Variants in ADAM33 observed in about 807,000 individuals in gnomAD.
ADAM33 encodes ADAM metallopeptidase domain 33.
A neutral mutation model predicts 106.2 loss-of-function variants in ADAM33; 103 were observed. The ratio of observed to expected loss-of-function variants is 0.97; its 90% CI spans 0.83 to 1.14. The LOEUF (loss-of-function observed/expected upper bound fraction) is 1.14. Among genes scored for constraint, ADAM33 ranks in the 50% most tolerant of loss-of-function variants. ADAM33 has a pLI of 0.00. For synonymous variants in ADAM33, 483 were observed against 453.0 expected, an observed-to-expected ratio of 1.07 and a Z score of -0.84; for missense variants, 1,120 against 1,096.6, an observed-to-expected ratio of 1.02 and a Z score of -0.30.
chr20:3,671,439 T>G lies in ADAM33; in HGVS notation c.1963A>C (p.Thr655Pro), dbSNP rs1189657690. 6.2e-7 allele frequency: 1 copy of G among 1,612,394 alleles called. No homozygotes were observed. Residue 655 changes from threonine (T) to proline (P), a missense_variant, in exon 17 of 22, where the codon ACT (threonine) becomes CCT (proline). Physicochemically the swap from Thr to Pro is conservative, Grantham distance 38 (BLOSUM62 -1). Transcript: ENST00000356518. The part of the protein sequence containing the change: ...NAFQELQRCL[T>P]ACHSHGVCNS... ...CTCACCCCGTGGCTGTGGCAGGCAG[T>G]CAGGCAGCGCTGAAGCTCCTGGAAG...
intron 2 of ADAM33, among the ~76,000 whole-genome samples, chr20:3,678,929 C>T (rs760948128): frequency 5.3e-5 from 8 of 152,090 alleles, no homozygotes; most frequent in Non-Finnish European, 8.8e-5. Flanking sequence ...TGGGGCAGAG[C>T]GTCCTGCAGA....
chr20:3,669,241 G>A, intron 21 of ADAM33, 58 bp downstream of exon 21: 1 of 1,366,018 alleles, frequency 7.3e-7, no homozygotes, highest in Non-Finnish European at 9.9e-7. Context: ...TGAGGGGTGG[G>A]AGAGGTGGGA....
chr20:3,669,306 G>C lies in ADAM33; in HGVS notation c.2397C>G (p.Asp799Glu). The change falls in exon 21 of 22, where the codon GAC becomes GAG. Residue 799 changes from aspartate to glutamate, a missense_variant. Transcript: ENST00000356518. ...ATCCAGGTCCCTGCCTACCTTGGGG[G>C]TCAGGCGAGACTGCTGGCAGAGGCT... ...PEKPLPAVSP[D>E]PQADQVQMPR... 6.3e-7 allele frequency: 1 copy of C among 1,591,104 alleles called. No individual in the cohort carries two copies. Among genetic ancestry groups the C allele is most frequent in the Admixed American group, 1.9e-5 (1 of 51,934 alleles).
Position 3,673,893 on chromosome 20 carries a change from T to A in ADAM33, c.757A>T (p.Ile253Phe). ...TCCAGGCCGGTCAGCGCCACCTGAA[T>A]GTCCAGAGTCCTGAGAAGCTGAGGG... is the stretch of plus-strand genomic sequence containing the variant. ...YVDQLLRTLD[I>F]QVALTGLEVW... Residue 253 changes from isoleucine to phenylalanine, a missense_variant, in exon 9 of 22, where the codon ATT (isoleucine) becomes TTT (phenylalanine). Transcript: ENST00000356518. 1 of 1,563,018 alleles carries A rather than the reference T, an allele frequency of 6.4e-7. No individual in the cohort carries two copies. The highest frequency in any genetic ancestry group is 1.9e-5 in the Admixed American group (1 of 53,488).
chr20:3,674,502 A>G lies in ADAM33; in HGVS notation c.600+2T>C, dbSNP rs1004198037. 1.2e-6 allele frequency: 2 copies of G among 1,612,868 alleles called. No homozygotes were observed. Among genetic ancestry groups the G allele is most frequent in the Non-Finnish European group, 1.7e-6 (2 of 1,179,772 alleles). Reference sequence around the variant, plus strand: ...CACTCCCATCCGATCGATGCCCCTGACCCTGCTCTGGGGACCACCAGGAAG... The same window carrying G: ...CACTCCCATCCGATCGATGCCCCTGGCCCTGCTCTGGGGACCACCAGGAAG... On this transcript the variant is annotated splice_donor_variant, in intron 6 of 21. Transcript: ENST00000356518. LOFTEE classifies it high-confidence loss of function.
At position 3,669,660 on chromosome 20, in the gene ADAM33, A is replaced by G. The variant is rs543196344; in HGVS notation, c.2241-23T>C. On this transcript the variant is annotated intron_variant, in intron 19 of 21. Coordinates refer to ENST00000356518, the MANE Select transcript of ADAM33 (RefSeq NM_025220.5). The stretch of plus-strand genomic sequence containing the variant: ...GGGCTGAGCAACGTGATAAGAGTCC[A>G]GGAGGTTGGCACAGTGATCCTGAGT... The G allele has an allele frequency of 9.4e-6, 15 of 1,587,604 alleles. No homozygotes were observed. In the South Asian group the frequency reaches 1.7e-4, roughly 18 times the overall value.
chr20:3,672,393 G>C, intron 13 of ADAM33, 64 bp from the exon 14 acceptor site: 4 of 1,585,684 alleles, frequency 2.5e-6, no homozygotes, highest in Admixed American at 1.7e-5. Context: ...GGTCCATGCC[G>C]AGAGCGCGGC....
At position 3,673,506 on chromosome 20, in the gene ADAM33, C is replaced by G. The variant is rs778258391; in HGVS notation, c.991-10G>C. ...GGAGCTCCGAGTGGTCCTGGGGGGCCGTGGGAGGGCGGTCACTGCGGCCGT... is the reference window on the plus strand; with the variant it reads ...GGAGCTCCGAGTGGTCCTGGGGGGCGGTGGGAGGGCGGTCACTGCGGCCGT... On this transcript the variant is annotated splice_polypyrimidine_tract_variant and intron_variant, in intron 10 of 21. Coordinates refer to ENST00000356518, the MANE Select transcript of ADAM33 (RefSeq NM_025220.5). 6.0e-5 allele frequency: 89 copies of G among 1,476,778 alleles called. No individual in the cohort carries two copies. The highest frequency in any genetic ancestry group is 7.3e-5 in the Non-Finnish European group (82 of 1,121,958). 91.5% of individuals were successfully genotyped at this position (1,476,778 alleles called of 1,614,324 possible).
At chr20:3,674,325 G>T in intron 6 of ADAM33, 41 bp from the exon 7 acceptor site, 1 of 1,613,124 alleles carries the variant, frequency 6.2e-7, no homozygotes. Context: ...GAAGCTGCTG[G>T]GCTTGAGCCC....
chr20:3,670,396 C>T (rs1189373271), intron 19 of ADAM33: 1 of 160,038 alleles, frequency 6.2e-6, no homozygotes, highest in Non-Finnish European at 1.4e-5. Context: ...TGCCTAGGGC[C>T]CTGGTGCAGG....
At chr20:3,670,974 G>A in intron 19 of ADAM33, 32 bp downstream of exon 19, 2 of 1,525,996 alleles carry the variant, frequency 1.3e-6, no homozygotes, top group Admixed American at 2.0e-5. Context: ...AACCGCAGGA[G>A]TAGGCTCAGG....
chr20:3,672,908 CGGGGA>C lies in ADAM33; in HGVS notation c.1134-15_1134-11del. 6.4e-7 allele frequency: 1 copy of C among 1,556,178 alleles called. No homozygotes were observed. Among genetic ancestry groups the C allele is most frequent in the South Asian group, 1.2e-5 (1 of 85,186 alleles). On this transcript the variant is annotated splice_polypyrimidine_tract_variant and intron_variant, in intron 11 of 21. Transcript: ENST00000356518. ...GCGCGGAAACGGGTGCCTACCGGCACGGGGAGGGCATTGGGCATGGAGGGACAGTC... is the reference window on the plus strand; with the variant it reads ...GCGCGGAAACGGGTGCCTACCGGCACGGGCATTGGGCATGGAGGGACAGTC...
In ADAM33 at chr20:3,668,792, C is replaced by G. The variant is rs2087343591; in HGVS notation, c.*171G>C. 4 of 753,408 alleles carry G rather than the reference C, an allele frequency of 5.3e-6. No homozygotes were observed. The highest frequency in any genetic ancestry group is 4.6e-5 in the South Asian group (3 of 65,448). 46.7% of individuals were successfully genotyped at this position (753,408 alleles called of 1,614,324 possible). Reference sequence around the variant, plus strand: ...GCCCTCAGGAACTTCTAATGTGGCTCTGGGTTCCTGGAGTGGGTGGGTCGA... The same window carrying G: ...GCCCTCAGGAACTTCTAATGTGGCTGTGGGTTCCTGGAGTGGGTGGGTCGA... On this transcript the variant is annotated 3_prime_UTR_variant, in exon 22 of 22. Transcript: ENST00000356518.
At chr20:3,681,876 C>A (rs201052546) in intron 1 of ADAM33, 32 bp downstream of exon 1, 198 of 1,592,714 alleles carry the variant, frequency 1.2e-4, no homozygotes, top group Non-Finnish European at 1.5e-4. Flanking sequence ...GCCTAGCCTG[C>A]CCCTCAGGGC....
rs767164393 is a variant in ADAM33 at position 3,672,785 on chromosome 20, G to T, written c.1247C>A (p.Pro416Gln). 6.4e-7 allele frequency: 1 copy of T among 1,571,610 alleles called. No homozygotes were observed. Among genetic ancestry groups the T allele is most frequent in the South Asian group, 1.1e-5 (1 of 87,316 alleles). ...GAAGCCGTTCCCGCAGAGCGCCGGCGGCACCGGGAGTCCGGGGTCCGGGGC... is the reference window on the plus strand; with the variant it reads ...GAAGCCGTTCCCGCAGAGCGCCGGCTGCACCGGGAGTCCGGGGTCCGGGGC... ...SNAPDPGLPVPPALCGNGFVE... is the reference protein window; with the variant it reads ...SNAPDPGLPVQPALCGNGFVE... The change falls in exon 12 of 22, where the codon CCG becomes CAG. Residue 416 changes from proline to glutamine, a missense_variant. Physicochemically the swap from Pro to Gln is moderately conservative, Grantham distance 76. Transcript: ENST00000356518.
At chr20:3,669,396 G>A in intron 20 of ADAM33, 26 bp from the exon 21 acceptor site, 2 of 1,595,534 alleles carry the variant, frequency 1.3e-6, no homozygotes, top group Non-Finnish European at 1.7e-6. Context: ...GAGGGTAAAT[G>A]TTGTGAATAT....
At chr20:3,670,606 G>T in intron 19 of ADAM33, 1 of 198,070 alleles carries the variant, frequency 5.0e-6, no homozygotes, top group Non-Finnish European at 1.0e-5. Context: ...TTGTGCAGAG[G>T]AAGTGGCAAA....
In ADAM33 at chr20:3,677,059, G is replaced by A. The variant is rs765400233; in HGVS notation, c.254+8C>T. On this transcript the variant is annotated splice_region_variant and intron_variant, in intron 3 of 21. Coordinates refer to ENST00000356518, the MANE Select transcript of ADAM33 (RefSeq NM_025220.5). ...CTCCTCCCAGCCCTACCCCAGCCTG[G>A]CACTCACTGGTTCTTCTCCAGCTCA... 5.0e-6 allele frequency: 8 copies of A among 1,612,052 alleles called. No homozygotes were observed. In the South Asian group the frequency reaches 5.5e-5, roughly 11 times the overall value.
chr20:3,670,850 C>A (rs41530048), intron 19 of ADAM33, among the ~76,000 whole-genome samples, 156 bp downstream of exon 19: 6,243 of 152,270 alleles, frequency 0.041, 183 homozygotes, highest in Non-Finnish European at 0.062. Context: ...GCCACTGGAA[C>A]CTCCTGTTCA....
Sources: gnomAD v4.1 joint callset for allele counts (sites outside exome capture counted in the v4.1 genomes callset) on GRCh38, gnomAD v4.1.1 for gene constraint, MANE v1.5 for transcripts, NCBI Gene and HGNC (gene_info 2026-07-23, HGNC 2026-07-21) for gene names.